ABCC1: variants seen among roughly 807,000 people sequenced by gnomAD.
ABCC1 encodes the protein ATP binding cassette subfamily C member 1 (ABCC1 blood group).
In ABCC1, 83 loss-of-function variants were observed where a neutral mutation model predicts 172.9. That is an observed-to-expected ratio of 0.48 (90% confidence interval 0.40 to 0.58). ABCC1 has a LOEUF of 0.58. ABCC1 is among the 20% of genes least tolerant of loss of function. The probability of loss-of-function intolerance (pLI) is 0.00; values close to 1 mark genes in which losing one functional copy is unlikely to be tolerated. For synonymous variants in ABCC1, 937 were observed against 825.2 expected (o/e 1.14, Z -2.32); for missense variants, 1,817 against 2,002.7 (o/e 0.91, Z 1.77).
intron 5 of ABCC1, among the ~76,000 whole-genome samples, chr16:16,019,746 C>T (rs1241475639): frequency 1.3e-5 from 2 of 152,144 alleles, no homozygotes; most frequent in African/African-American, 4.8e-5. Context: ...CAGCCTGGGC[C>T]TGGGATTTGC....
chr16:16,140,831 T>G (rs1474985600), intron 30 of ABCC1, among the ~76,000 whole-genome samples: 1 of 152,236 alleles, frequency 6.6e-6, no homozygotes, highest in Non-Finnish European at 1.5e-5. Context: ...TATCTGGCCT[T>G]TTTCAGAAAA....
At chr16:16,120,038 A>G (rs993322449) in intron 23 of ABCC1, among the ~76,000 whole-genome samples, 1 of 152,068 alleles carries the variant, frequency 6.6e-6, no homozygotes, top group Non-Finnish European at 1.5e-5. Flanking sequence ...GTTCACTTAC[A>G]TAGCTTCTGG....
At chr16:16,097,619 G>A (rs1166975721) in intron 19 of ABCC1, among the ~76,000 whole-genome samples, 2 of 152,200 alleles carry the variant, frequency 1.3e-5, no homozygotes, top group Admixed American at 1.3e-4. Context: ...AAATAGGAGT[G>A]GATTTCACCC....
chr16:16,014,745 C>A, intron 4 of ABCC1, 117 bp downstream of exon 4: 1 of 1,226,524 alleles, frequency 8.2e-7, no homozygotes, highest in Non-Finnish European at 1.1e-6. Context: ...CTGGGTACCA[C>A]ATGCACCTAG....
intron 19 of ABCC1, among the ~76,000 whole-genome samples, chr16:16,092,325 G>A (rs777423940): frequency 1.3e-5 from 2 of 152,052 alleles, no homozygotes; most frequent in Non-Finnish European, 2.9e-5. Flanking sequence ...CCACAGTCAG[G>A]TTTAGAACTT....
chr16:16,068,041 G>T, intron 12 of ABCC1, 115 bp from the exon 13 acceptor site: 1 of 1,239,244 alleles, frequency 8.1e-7, no homozygotes, highest in Admixed American at 2.0e-5. Context: ...CCAGCAGCTG[G>T]TCAGTTGTGG....
intron 7 of ABCC1, among the ~76,000 whole-genome samples, chr16:16,039,237 G>GTA (rs1297563785): frequency 8.1e-6 from 1 of 123,870 alleles, no homozygotes; most frequent in Admixed American, 8.1e-5. Flanking sequence ...GTGTGTGTAT[G>GTA]TATGTGTGTG....
At chr16:15,980,931 A>G (rs1285542866) in intron 1 of ABCC1, among the ~76,000 whole-genome samples, 1 of 152,230 alleles carries the variant, frequency 6.6e-6, no homozygotes, top group African/African-American at 2.4e-5. Context: ...TAGGAGTACA[A>G]GCATTGGGTA....
Position 16,138,565 on chromosome 16 carries a change from C to T in ABCC1, c.4487+7C>T, listed in dbSNP as rs1295631569. On this transcript the variant is annotated splice_region_variant and intron_variant, in intron 30 of 30. Coordinates refer to ENST00000399410, the MANE Select transcript of ABCC1 (RefSeq NM_004996.4). Reference sequence around the variant, plus strand: ...CCATCATGGACTACACAAGGTGATGCCACTGGCACAGTGGCCTCTAGGCTT... The same window carrying T: ...CCATCATGGACTACACAAGGTGATGTCACTGGCACAGTGGCCTCTAGGCTT... The T allele has an allele frequency of 4.5e-6, 7 of 1,568,260 alleles. No individual in the cohort carries two copies. Among genetic ancestry groups the T allele is most frequent in the Non-Finnish European group, 4.4e-6 (5 of 1,148,870 alleles).
chr16:16,094,176 G>T, intron 19 of ABCC1: 1 of 261,744 alleles, frequency 3.8e-6, no homozygotes, highest in South Asian at 4.7e-5. Context: ...CTCACGTATG[G>T]GTTAATCCGA....
chr16:16,071,696 C>G lies in ABCC1; in HGVS notation c.1879C>G (p.Pro627Ala), dbSNP rs1452821953. Residue 627 changes from proline to alanine, a missense_variant, in exon 14 of 31, where the codon CCT becomes GCT. Pro to Ala is a conservative substitution (Grantham distance 27). This residue lies in a region of ABCC1 where 1,412 missense variants were observed against 1,600.3 expected (regional missense o/e 0.88). Transcript: ENST00000399410. ...RIFLSHEELE[P>A]DSIERRPVKD... ...CTTTCTCTCCCATGAGGAGCTGGAA[C>G]CTGACAGCATCGAGCGACGGCCTGT... is the stretch of plus-strand genomic sequence containing the variant. 6.2e-7 allele frequency: 1 copy of G among 1,614,008 alleles called. No individual in the cohort carries two copies. Among genetic ancestry groups the G allele is most frequent in the Non-Finnish European group, 8.5e-7 (1 of 1,179,968 alleles).
At chr16:16,083,176 T>C (rs2050871944) in intron 16 of ABCC1, among the ~76,000 whole-genome samples, 190 bp from the exon 17 acceptor site, 1 of 152,212 alleles carries the variant, frequency 6.6e-6, no homozygotes, top group Non-Finnish European at 1.5e-5. Flanking sequence ...ATTCACCTGC[T>C]GTGGGTTCTG....
Position 16,104,204 on chromosome 16 carries a change from C to T in ABCC1, c.2735+1487C>T, listed in dbSNP as rs191033366. On this transcript the variant is annotated intron_variant, in intron 20 of 30. Coordinates refer to ENST00000399410, the MANE Select transcript of ABCC1 (RefSeq NM_004996.4). ...AAAGAGTGAAACAATAAAGCTTCCACAGTTTGGAAGGGTACCCCAGTAGGT... is the reference window on the plus strand; with the variant it reads ...AAAGAGTGAAACAATAAAGCTTCCATAGTTTGGAAGGGTACCCCAGTAGGT... Among the ~76,000 whole-genome samples the T allele has an allele frequency of 1.9e-3, 295 of 152,280 alleles. 1 individual carries two copies. The highest frequency in any genetic ancestry group is 0.014 in the Middle Eastern group (4 of 294).
intron 21 of ABCC1, among the ~76,000 whole-genome samples, chr16:16,107,645 G>C (rs1237336993): frequency 6.6e-6 from 1 of 152,018 alleles, no homozygotes; most frequent in Non-Finnish European, 1.5e-5. Flanking sequence ...GTCCCAGTTG[G>C]GTCCTACCCT....
chr16:15,997,094 T>TA (rs11284065), intron 1 of ABCC1, among the ~76,000 whole-genome samples: 1 of 14,030 alleles, frequency 7.1e-5, no homozygotes, highest in Non-Finnish European at 2.7e-4. Context: ...GCGCTTTCTC[T>TA]TTTTTTTTTT....
At chr16:15,988,880 C>G (rs1462120640) in intron 1 of ABCC1, among the ~76,000 whole-genome samples, 1 of 151,750 alleles carries the variant, frequency 6.6e-6, no homozygotes, top group African/African-American at 2.4e-5. Context: ...CCAGACAGGG[C>G]AACATAGCAA....
intron 1 of ABCC1, among the ~76,000 whole-genome samples, chr16:15,967,791 T>C (rs2046280976): frequency 6.6e-6 from 1 of 151,136 alleles, no homozygotes; most frequent in Non-Finnish European, 1.5e-5. Flanking sequence ...AAAAAACTTG[T>C]TTAACTACCT....
At chr16:16,093,180 A>C (rs1438663848) in intron 19 of ABCC1, among the ~76,000 whole-genome samples, 1 of 150,064 alleles carries the variant, frequency 6.7e-6, no homozygotes, top group Non-Finnish European at 1.5e-5. Flanking sequence ...CGAGCAATGC[A>C]TTGTGGCAAC....
In ABCC1 at chr16:16,138,395, C is replaced by T. The variant is rs376534345; in HGVS notation, c.4324C>T (p.Arg1442Trp). The T allele has an allele frequency of 6.9e-6, 11 of 1,603,448 alleles. No individual in the cohort carries two copies. The highest frequency in any genetic ancestry group is 9.4e-6 in the Non-Finnish European group (11 of 1,171,440). ...VGQRQLVCLA[R>W]ALLRKTKILV... is the part of the protein sequence containing the mutation. ...GCAGCGCCAGCTTGTGTGCCTAGCC[C>T]GGGCCCTGCTGAGGAAGACGAAGAT... The change falls in exon 30 of 31, where the codon CGG (arginine) becomes TGG (tryptophan). Residue 1442 changes from arginine to tryptophan, a missense_variant. Arg to Trp is a moderately radical substitution (Grantham distance 101). Coordinates refer to ENST00000399410, the MANE Select transcript of ABCC1 (RefSeq NM_004996.4).
Sources: gnomAD v4.1 joint callset for allele counts (sites outside exome capture counted in the v4.1 genomes callset) on GRCh38, gnomAD v4.1.1 for gene constraint, gnomAD v4.1.1 regional missense constraint, MANE v1.5 for transcripts, NCBI Gene and HGNC (gene_info 2026-07-23, HGNC 2026-07-21) for gene names.